Variants in PCCA observed in about 807,000 individuals in gnomAD.
PCCA encodes propionyl-CoA carboxylase subunit alpha, also known as propionyl-CoA carboxylase alpha chain, mitochondrial.
In PCCA, 74 loss-of-function variants were observed where a neutral mutation model predicts 101.3. That is an observed-to-expected ratio of 0.73 (90% CI 0.61 to 0.89). PCCA has a LOEUF of 0.89. PCCA is among the 40% of genes least tolerant of loss of function. PCCA has a pLI of 0.00. For missense variants in PCCA, 891 were observed against 907.0 expected (o/e 0.98, Z 0.23); for synonymous variants, 294 against 313.6 (o/e 0.94, Z 0.66).
At chr13:100,122,218 G>C (rs138322344) in intron 4 of PCCA, among the ~76,000 whole-genome samples, 77 of 152,260 alleles carry the variant, frequency 5.1e-4, no homozygotes, top group African/African-American at 1.8e-3. Flanking sequence ...TGGTCATGCT[G>C]TGTAATCCTT....
rs548579996 is a variant in PCCA, at chr13:100,368,358, G to T, written c.1644-114G>T. The stretch of plus-strand genomic sequence containing the variant: ...CTTAGAGTAGGTGTTTAAAATGTTC[G>T]CAAATACATTCAATGGCAGTTTTAG... On this transcript the variant is annotated intron_variant, in intron 18 of 23. Transcript: ENST00000376285. 46 of 655,580 alleles carry T rather than the reference G, an allele frequency of 7.0e-5. No individual in the cohort carries two copies. The African/African-American group carries it at 8.1e-4, about 11-fold the overall frequency. The allele number at this position is 655,580 out of a possible 1,614,324, so 40.6% of individuals were successfully genotyped here. A position where few individuals can be genotyped will look rare whatever the true frequency, so the allele number is the denominator to read the frequency against.
intron 22 of PCCA, among the ~76,000 whole-genome samples, chr13:100,526,111 T>C (rs541002103): frequency 6.6e-6 from 1 of 152,262 alleles, no homozygotes; most frequent in African/African-American, 2.4e-5. Flanking sequence ...GACCTGCTCC[T>C]GGATTCCCTG....
chr13:100,309,358 C>G (rs764708804), intron 15 of PCCA, among the ~76,000 whole-genome samples: 1 of 152,204 alleles, frequency 6.6e-6, no homozygotes, highest in Non-Finnish European at 1.5e-5. Flanking sequence ...GATTGCGCCA[C>G]TGCCCTCCAG....
intron 4 of PCCA, among the ~76,000 whole-genome samples, chr13:100,118,092 G>A (rs2152294322): frequency 6.7e-6 from 1 of 149,878 alleles, no homozygotes; most frequent in Admixed American, 6.6e-5. Flanking sequence ...GTCCAGCCTG[G>A]GCGACAGAGC....
Position 100,179,729 on chromosome 13 carries a change from C to CTG in PCCA, c.468+22403_468+22404dup, listed in dbSNP as rs755349394. ...TTCCCACAATGGTTTATTTTCCTGTCTGTGTGTGTGTGTGTTTGTGTGTGT... is the reference window on the plus strand; with the variant it reads ...TTCCCACAATGGTTTATTTTCCTGTCTGTGTGTGTGTGTGTGTTTGTGTGTGT... On this transcript the variant is annotated intron_variant, in intron 6 of 23. Transcript: ENST00000376285. Among the ~76,000 whole-genome samples the CTG allele has an allele frequency of 1.0e-3, 157 of 150,040 alleles. 4 individuals carry two copies. In the South Asian group the frequency reaches 0.028, roughly 27 times the overall value.
intron 20 of PCCA, among the ~76,000 whole-genome samples, chr13:100,435,525 C>T (rs1225081236): frequency 2.6e-5 from 4 of 152,164 alleles, no homozygotes; most frequent in African/African-American, 7.2e-5. Context: ...AGTCCGATCA[C>T]GTGTATTCAT....
chr13:100,187,131 C>A (rs1239437613), intron 6 of PCCA, among the ~76,000 whole-genome samples: 1 of 152,198 alleles, frequency 6.6e-6, no homozygotes. Flanking sequence ...CAGGATTTGG[C>A]AGCCTAATAG....
chr13:100,520,265 A>G (rs1476812481), intron 22 of PCCA, among the ~76,000 whole-genome samples: 1 of 152,142 alleles, frequency 6.6e-6, no homozygotes, highest in Non-Finnish European at 1.5e-5. Flanking sequence ...CCTCCATCTC[A>G]TTCCTGTCCT....
At chr13:100,283,198 G>A (rs576737831) in intron 12 of PCCA, among the ~76,000 whole-genome samples, 3 of 152,136 alleles carry the variant, frequency 2.0e-5, no homozygotes, top group South Asian at 2.1e-4. Flanking sequence ...TAAAGAATGC[G>A]GCTTTAGCTG....
At chr13:100,102,624 T>C (rs1466579708) in intron 1 of PCCA, among the ~76,000 whole-genome samples, 4 of 152,214 alleles carry the variant, frequency 2.6e-5, no homozygotes, top group Non-Finnish European at 5.9e-5. Flanking sequence ...AAGGCTTTCT[T>C]CAAATTTGCT....
At chr13:100,225,595 C>T (rs945626000) in intron 7 of PCCA, among the ~76,000 whole-genome samples, 8 of 151,882 alleles carry the variant, frequency 5.3e-5, no homozygotes, top group African/African-American at 1.9e-4. Context: ...AAACAAAAAC[C>T]AAAAAATTGG....
rs1000704878 is a variant in PCCA, at chr13:100,288,350, G to A, written c.1066-13110G>A. On this transcript the variant is annotated intron_variant, in intron 12 of 23. Coordinates refer to ENST00000376285, the MANE Select transcript of PCCA (RefSeq NM_000282.4). The stretch of plus-strand genomic sequence containing the variant: ...CTTACTCCACCACCCAGGCTGGAGT[G>A]CAGTGGTGAGATCCTAGCTCATTGC... 1.3e-5 allele frequency among the ~76,000 whole-genome samples: 2 copies of A among 152,202 alleles called. 1 individual carries two copies. The highest frequency in any genetic ancestry group is 4.8e-5 in the African/African-American group (2 of 41,450).
chr13:100,153,275 G>T (rs927315796), intron 4 of PCCA, among the ~76,000 whole-genome samples: 2 of 152,154 alleles, frequency 1.3e-5, no homozygotes, highest in Non-Finnish European at 2.9e-5. Context: ...AATTGTAACT[G>T]TGCAAAGCAG....
intron 18 of PCCA, among the ~76,000 whole-genome samples, chr13:100,356,503 C>A (rs1016131265): frequency 1.3e-5 from 2 of 152,078 alleles, no homozygotes; most frequent in Admixed American, 1.3e-4. Context: ...ATAAAAGATG[C>A]TCTGTATCAT....
At chr13:100,162,190 T>G (rs1367876482) in intron 6 of PCCA, among the ~76,000 whole-genome samples, 1 of 152,186 alleles carries the variant, frequency 6.6e-6, no homozygotes, top group Non-Finnish European at 1.5e-5. Flanking sequence ...GGACTTACTT[T>G]TTTTATATGA....
chr13:100,334,264 A>G (rs1397590809), intron 17 of PCCA, among the ~76,000 whole-genome samples: 3 of 152,200 alleles, frequency 2.0e-5, no homozygotes, highest in Non-Finnish European at 2.9e-5. Flanking sequence ...TTTATAAGCC[A>G]TCCTCTTTGA....
chr13:100,247,731 G>C (rs2061527952), intron 8 of PCCA, among the ~76,000 whole-genome samples: 1 of 150,918 alleles, frequency 6.6e-6, no homozygotes, highest in Non-Finnish European at 1.5e-5. Flanking sequence ...GGCCAGGCTG[G>C]TCTCGGACTC....
chr13:100,404,929 C>T (rs2077582545), intron 19 of PCCA, among the ~76,000 whole-genome samples: 1 of 152,156 alleles, frequency 6.6e-6, no homozygotes, highest in Non-Finnish European at 1.5e-5. Context: ...TTGTCATCTG[C>T]CTCTGGATCC....
intron 8 of PCCA, among the ~76,000 whole-genome samples, chr13:100,254,468 GTAC>G (rs1244051881): frequency 1.3e-5 from 2 of 152,198 alleles, no homozygotes; most frequent in Non-Finnish European, 2.9e-5. Flanking sequence ...GGGGTAACAA[GTAC>G]CATCAACTTG....
Sources: gnomAD v4.1 joint callset for allele counts (sites outside exome capture counted in the v4.1 genomes callset) on GRCh38, gnomAD v4.1.1 for gene constraint, MANE v1.5 for transcripts, NCBI Gene and HGNC (gene_info 2026-07-23, HGNC 2026-07-21) for gene names.